The following TARS2 variants were observed in gnomAD, a reference collection of about 807,000 sequenced individuals.
The protein encoded by TARS2 is threonyl-tRNA synthetase 2, mitochondrial.
TARS2 carries 61 observed loss-of-function variants against 94.4 expected under a neutral mutation model. The observed-to-expected ratio is 0.65, with a 90% CI of 0.53 to 0.80. TARS2 has a LOEUF of 0.80. Among genes scored for constraint, TARS2 ranks in the 30% least tolerant of loss-of-function variants. TARS2 has a pLI of 0.00. For missense variants in TARS2, 704 were observed against 902.5 expected (o/e 0.78, Z 2.82); for synonymous variants, 359 against 353.4 (o/e 1.02, Z -0.18).
intron 2 of TARS2, 91 bp from the exon 3 acceptor site, chr1:150,488,873 A>C (rs1669259521): frequency 6.6e-7 from 1 of 1,507,626 alleles, no homozygotes; most frequent in Non-Finnish European, 8.9e-7. Flanking sequence ...AACTTTTTAA[A>C]CTCTCATATA....
intron 13 of TARS2, 70 bp from the exon 14 acceptor site, chr1:150,504,265 G>C (rs1670095291): frequency 2.7e-6 from 4 of 1,481,388 alleles, no homozygotes; most frequent in Non-Finnish European, 3.7e-6. Context: ...GGATGGCACA[G>C]GTAATGGAGG....
chr1:150,503,633 G>GTGTGTATATA (rs1386474527), intron 13 of TARS2, among the ~76,000 whole-genome samples: 4 of 89,276 alleles, frequency 4.5e-5, no homozygotes, highest in East Asian at 2.4e-4. Flanking sequence ...GTGTATATAT[G>GTGTGTATATA]TGTGTGTATA....
At position 150,492,501 on chromosome 1, in the gene TARS2, G is replaced by C; in HGVS notation, c.774+12G>C. 1 of 1,613,048 alleles carries C rather than the reference G, an allele frequency of 6.2e-7. No homozygotes were observed. Among genetic ancestry groups the C allele is most frequent in the Non-Finnish European group, 8.5e-7 (1 of 1,179,630 alleles). On this transcript the variant is annotated intron_variant, in intron 7 of 17. Transcript: ENST00000369064. ...TGAAGCTGCTATCGGTCAGTTGTGG[G>C]ACAGAGTTAGGTTAAGATTCCTATT...
rs753071663 is a variant in TARS2 at position 150,496,845 on chromosome 1, T to C, written c.957T>C (p.Pro319=). The change falls in exon 9 of 18, where the codon CCT becomes CCC. Residue 319 remains proline, a synonymous_variant. Coordinates refer to ENST00000369064, the MANE Select transcript of TARS2 (RefSeq NM_025150.5). ...TCTTCTTCTTCCATGAACTGAGCCCTGGGAGCTGCTTCTTCCTGCCACGAG... is the reference window on the plus strand; with the variant it reads ...TCTTCTTCTTCCATGAACTGAGCCCCGGGAGCTGCTTCTTCCTGCCACGAG... The part of the protein sequence containing the change: ...QELFFFHELS[P]GSCFFLPRGT... 23 of 1,614,042 alleles carry C rather than the reference T, an allele frequency of 1.4e-5. No homozygotes were observed. The South Asian group carries it at 2.3e-4, about 16-fold the overall frequency.
chr1:150,490,114 C>CTTTTTTTTTTTT lies in TARS2; in HGVS notation c.388-476_388-465dup, dbSNP rs772454527. Among the ~76,000 whole-genome samples the CTTTTTTTTTTTT allele has an allele frequency of 1.0e-4, 8 of 80,192 alleles. 2 individuals are homozygous for CTTTTTTTTTTTT. Among genetic ancestry groups the CTTTTTTTTTTTT allele is most frequent in the African/African-American group, 2.1e-4 (4 of 19,194 alleles). The allele number at this position is 80,192 out of a possible 152,430, so 52.6% of individuals were successfully genotyped here. A position where few individuals can be genotyped will look rare whatever the true frequency, so the allele number is the denominator to read the frequency against. ...TGGCCTTCTTTCTTTTCTATTCAGT[C>CTTTTTTTTTTTT]TTTTTTTTTTTTTTTTTTTTTTGAG... On this transcript the variant is annotated intron_variant, in intron 3 of 17. Transcript: ENST00000369064.
At chr1:150,506,414 C>T (rs1405510719) in intron 17 of TARS2, among the ~76,000 whole-genome samples, 3 of 151,460 alleles carry the variant, frequency 2.0e-5, no homozygotes, top group Admixed American at 6.6e-5. Context: ...TGGGGGGAGG[C>T]GGGGCAGTGT....
intron 13 of TARS2, among the ~76,000 whole-genome samples, chr1:150,501,521 A>C (rs1195060912): frequency 6.3e-5 from 9 of 143,970 alleles, no homozygotes; most frequent in Non-Finnish European, 1.4e-4. Flanking sequence ...TTTTTTTAGT[A>C]GATATGGGGT....
At chr1:150,497,071 T>G (rs1272023375) in intron 9 of TARS2, among the ~76,000 whole-genome samples, 163 bp downstream of exon 9, 1 of 152,016 alleles carries the variant, frequency 6.6e-6, no homozygotes, top group Non-Finnish European at 1.5e-5. Context: ...TCACCTGAGG[T>G]CAGGAGTTCG....
At chr1:150,487,653 T>C in intron 1 of TARS2, 137 bp downstream of exon 1, 1 of 1,312,408 alleles carries the variant, frequency 7.6e-7, no homozygotes, top group Non-Finnish European at 1.1e-6. Context: ...GACTCGTATC[T>C]AAACTCGTTA....
rs780460992 is a variant in TARS2 at position 150,498,470 on chromosome 1, A to G, written c.1239-32A>G. The G allele has an allele frequency of 7.2e-6, 11 of 1,533,716 alleles. No individual in the cohort carries two copies. In the South Asian group the frequency reaches 1.0e-4, roughly 15 times the overall value. On this transcript the variant is annotated intron_variant, in intron 10 of 17. Coordinates refer to ENST00000369064, the MANE Select transcript of TARS2 (RefSeq NM_025150.5). ...CAGTCTTCGGGGGCTAGTCCTCCCT[A>G]TGGCCCTGACCCCTCTGCACCCCAA...
intron 13 of TARS2, among the ~76,000 whole-genome samples, chr1:150,501,334 T>TTTTTC (rs1553905147): frequency 5.1e-5 from 5 of 98,692 alleles, no homozygotes; most frequent in East Asian, 5.2e-4. Flanking sequence ...TTTTTTTTTA[T>TTTTTC]TGAGACTATG....
At chr1:150,503,295 T>A (rs982792495) in intron 13 of TARS2, among the ~76,000 whole-genome samples, 1 of 152,032 alleles carries the variant, frequency 6.6e-6, no homozygotes, top group African/African-American at 2.4e-5. Context: ...GGGAAAATGG[T>A]ACAGCTTCAT....
At chr1:150,488,882 T>C in intron 2 of TARS2, 82 bp from the exon 3 acceptor site, 4 of 1,539,562 alleles carry the variant, frequency 2.6e-6, no homozygotes, top group South Asian at 1.3e-5. Context: ...AACTCTCATA[T>C]AGGAATCAGA....
chr1:150,488,024 C>A lies in TARS2; in HGVS notation c.233C>A (p.Thr78Lys). Residue 78 changes from threonine to lysine, a missense_variant, in exon 2 of 18, where the codon ACA becomes AAA. This residue lies in a region of TARS2 where 208 missense variants were observed against 228.5 expected (regional missense o/e 0.91). Coordinates refer to ENST00000369064, the MANE Select transcript of TARS2 (RefSeq NM_025150.5). ...AAAATTGATGCTGTGGCATGGAACA[C>A]AACCCCCTACCAACTAGCCCGGCAG... is the stretch of plus-strand genomic sequence containing the variant. ...GQKIDAVAWN[T>K]TPYQLARQIS... 1 of 1,613,990 alleles carries A rather than the reference C, an allele frequency of 6.2e-7. No homozygotes were observed. The highest frequency in any genetic ancestry group is 8.5e-7 in the Non-Finnish European group (1 of 1,179,970).
intron 6 of TARS2, 35 bp downstream of exon 6, chr1:150,491,697 T>C (rs1200309973): frequency 1.2e-6 from 2 of 1,607,946 alleles, no homozygotes; most frequent in Middle Eastern, 1.7e-4. Flanking sequence ...AACAGAGAGG[T>C]GGGGAAGCAT....
chr1:150,506,785 CT>C (rs1477556341), intron 17 of TARS2, 130 bp from the exon 18 acceptor site: 1 of 1,221,810 alleles, frequency 8.2e-7, no homozygotes, highest in Non-Finnish European at 1.1e-6. Flanking sequence ...TACTTCCTTT[CT>C]GTGAACCATA....
At chr1:150,503,938 T>C (rs1410739001) in intron 13 of TARS2, among the ~76,000 whole-genome samples, 1 of 149,184 alleles carries the variant, frequency 6.7e-6, no homozygotes, top group African/African-American at 2.5e-5. Flanking sequence ...TTCTCAGAGC[T>C]GGCTGACCAA....
rs1297518454 is a variant in TARS2 at position 150,504,357 on chromosome 1, C to T, written c.1640C>T (p.Ala547Val). Residue 547 changes from alanine (A) to valine (V), a missense_variant, in exon 14 of 18, where the codon GCC (alanine) becomes GTC (valine). Transcript: ENST00000369064. ...TAGATTGACGTGCACCTCCACGATG[C>T]CCTGGGCCGGCCACATCAGTGTGGG... is the stretch of plus-strand genomic sequence containing the variant. Reference protein sequence around the residue: ...GPKIDVHLHDALGRPHQCGTI... With the variant: ...GPKIDVHLHDVLGRPHQCGTI... The T allele has an allele frequency of 2.5e-6, 4 of 1,613,984 alleles. No individual in the cohort carries two copies. The African/African-American group carries it at 5.3e-5, about 22-fold the overall frequency.
At chr1:150,505,445 G>C in intron 16 of TARS2, 146 bp from the exon 17 acceptor site, 1 of 749,674 alleles carries the variant, frequency 1.3e-6, no homozygotes, top group Non-Finnish European at 2.3e-6. Context: ...GAGATGAAAT[G>C]AGGAGAGGTT....
Sources: allele counts gnomAD v4.1 joint callset (sites outside exome capture counted in the v4.1 genomes callset), GRCh38; gene constraint gnomAD v4.1.1; regional missense constraint gnomAD v4.1.1; transcripts MANE v1.5; gene names NCBI Gene and HGNC (gene_info 2026-07-23, HGNC 2026-07-21).